The following PDZRN4 variants were observed in gnomAD, a reference collection of about 807,000 sequenced individuals.
PDZRN4 encodes PDZ domain-containing RING finger protein 4.
PDZRN4 carries 70 observed loss-of-function variants against 99.0 expected under a neutral mutation model. That is an observed-to-expected ratio of 0.71 (90% CI 0.58 to 0.86). PDZRN4 has a LOEUF of 0.86. Ranked by LOEUF, PDZRN4 falls within the 40% of genes least tolerant of loss-of-function variation. The pLI, the probability that PDZRN4 is intolerant of heterozygous loss-of-function variation, is 0.00. For missense variants in PDZRN4, 1,474 were observed against 1,331.2 expected (o/e 1.11, Z -1.67); for synonymous variants, 551 against 501.6 (o/e 1.10, Z -1.32).
intron 3 of PDZRN4, among the ~76,000 whole-genome samples, chr12:41,291,709 T>C (rs571941571): frequency 6.6e-6 from 1 of 152,244 alleles, no homozygotes; most frequent in East Asian, 1.9e-4. Flanking sequence ...TCAAGTTTTA[T>C]GAACAGGGGT....
chr12:41,429,434 A>G (rs928896150), intron 3 of PDZRN4, among the ~76,000 whole-genome samples: 1 of 152,230 alleles, frequency 6.6e-6, no homozygotes, highest in South Asian at 2.1e-4. Flanking sequence ...GCTTGAGGAC[A>G]CAACAGGGAA....
intron 3 of PDZRN4, among the ~76,000 whole-genome samples, chr12:41,318,119 A>G (rs565851652): frequency 6.6e-6 from 1 of 152,296 alleles, no homozygotes; most frequent in Non-Finnish European, 1.5e-5. Flanking sequence ...CAACCCTAAA[A>G]GAGAACAGAG....
At chr12:41,525,107 T>C (rs890473093) in intron 5 of PDZRN4, among the ~76,000 whole-genome samples, 3 of 152,102 alleles carry the variant, frequency 2.0e-5, no homozygotes, top group East Asian at 1.9e-4. Context: ...TTAGGGCACA[T>C]TGGGTTTCAG....
chr12:41,534,787 A>T (rs1592100877), intron 5 of PDZRN4, among the ~76,000 whole-genome samples: 1 of 152,144 alleles, frequency 6.6e-6, no homozygotes, highest in East Asian at 1.9e-4. Context: ...CCATGTATTT[A>T]CTGATCCATA....
chr12:41,244,245 C>T (rs569374736), intron 3 of PDZRN4, among the ~76,000 whole-genome samples: 5 of 151,562 alleles, frequency 3.3e-5, no homozygotes, highest in East Asian at 3.9e-4. Context: ...CCACACCTTA[C>T]CTGAGATTCC....
rs182551142 is a variant in PDZRN4, at chr12:41,295,627, A to C, written c.843+101439A>C. On this transcript the variant is annotated intron_variant, in intron 3 of 9. Coordinates refer to ENST00000402685, the MANE Select transcript of PDZRN4 (RefSeq NM_001164595.2). ...CTTGGAAAATCTGTATTATGAAAAA[A>C]TTATGGATGGATTTCAAAATTTTTG... Among the ~76,000 whole-genome samples, 346 of 152,292 alleles carry C rather than the reference A, an allele frequency of 2.3e-3. 6 individuals are homozygous for C. The highest frequency in any genetic ancestry group is 0.019 in the Admixed American group (298 of 15,292).
chr12:41,569,548 C>A (rs1939438906), intron 9 of PDZRN4, among the ~76,000 whole-genome samples: 1 of 152,176 alleles, frequency 6.6e-6, no homozygotes. Flanking sequence ...AGCCACTGCA[C>A]CTGGCCTCAA....
At chr12:41,460,261 A>C (rs1952858736) in intron 3 of PDZRN4, among the ~76,000 whole-genome samples, 1 of 152,192 alleles carries the variant, frequency 6.6e-6, no homozygotes, top group African/African-American at 2.4e-5. Flanking sequence ...CTTTCTTACA[A>C]TATTGCATAT....
intron 3 of PDZRN4, among the ~76,000 whole-genome samples, chr12:41,246,607 C>T (rs1200371321): frequency 6.6e-6 from 1 of 152,078 alleles, no homozygotes; most frequent in Admixed American, 6.6e-5. Context: ...GTAACAAGTT[C>T]CTGGCATTTT....
intron 3 of PDZRN4, among the ~76,000 whole-genome samples, chr12:41,453,606 G>A (rs76902374): frequency 0.012 from 1,768 of 152,278 alleles, 29 homozygotes; most frequent in African/African-American, 0.041. Flanking sequence ...TGCTGCCACG[G>A]TCACCTCATC....
At chr12:41,509,589 C>A in intron 4 of PDZRN4, 1 of 354,460 alleles carries the variant, frequency 2.8e-6, no homozygotes, top group Non-Finnish European at 5.2e-6. Flanking sequence ...TGACCATAGG[C>A]CCTTATTCCT....
intron 3 of PDZRN4, among the ~76,000 whole-genome samples, chr12:41,232,289 A>G (rs1031351337): frequency 1.3e-5 from 2 of 152,034 alleles, no homozygotes; most frequent in Non-Finnish European, 2.9e-5. Flanking sequence ...ATGTAGCCTC[A>G]CCTGCCCTTC....
chr12:41,202,706 T>C (rs1950825466), intron 3 of PDZRN4, among the ~76,000 whole-genome samples: 1 of 152,112 alleles, frequency 6.6e-6, no homozygotes, highest in Non-Finnish European at 1.5e-5. Flanking sequence ...AGAATAGACA[T>C]TATTCATTAT....
intron 3 of PDZRN4, among the ~76,000 whole-genome samples, chr12:41,259,442 A>T (rs1344716166): frequency 6.6e-6 from 1 of 152,168 alleles, no homozygotes; most frequent in Non-Finnish European, 1.5e-5. Flanking sequence ...GTCACTGAAT[A>T]TTGTAATACT....
intron 5 of PDZRN4, among the ~76,000 whole-genome samples, chr12:41,543,357 G>A (rs1204416498): frequency 6.6e-6 from 1 of 152,142 alleles, no homozygotes. Context: ...GAGAGAGAGA[G>A]ATCTGTGTTC....
At chr12:41,367,992 G>T (rs181436324) in intron 3 of PDZRN4, among the ~76,000 whole-genome samples, 1 of 152,116 alleles carries the variant, frequency 6.6e-6, no homozygotes, top group Non-Finnish European at 1.5e-5. Flanking sequence ...TAGGAAATAC[G>T]ATGTCCTCTT....
At chr12:41,334,418 C>A (rs529354983) in intron 3 of PDZRN4, among the ~76,000 whole-genome samples, 178 of 150,436 alleles carry the variant, frequency 1.2e-3, no homozygotes, top group African/African-American at 4.1e-3. Context: ...AAGAAAGAAG[C>A]CAAATTGATG....
At chr12:41,221,577 A>G (rs1950956315) in intron 3 of PDZRN4, among the ~76,000 whole-genome samples, 1 of 152,124 alleles carries the variant, frequency 6.6e-6, no homozygotes, top group Non-Finnish European at 1.5e-5. Context: ...AACTCAGGAA[A>G]GAACTGGCTA....
chr12:41,214,252 TAAAAAA>T (rs60618442), intron 3 of PDZRN4, among the ~76,000 whole-genome samples: 16 of 84,778 alleles, frequency 1.9e-4, no homozygotes, highest in East Asian at 6.7e-4. Flanking sequence ...ACCCTGTATT[TAAAAAA>T]AAAAAAAAAA....
Sources: allele counts gnomAD v4.1 joint callset (sites outside exome capture counted in the v4.1 genomes callset), GRCh38; gene constraint gnomAD v4.1.1; transcripts MANE v1.5; gene names NCBI Gene and HGNC (gene_info 2026-07-23, HGNC 2026-07-21).